The following MCPH1 variants were observed in gnomAD, a reference collection of about 807,000 sequenced individuals.
MCPH1 encodes the protein microcephalin 1, also known as microcephalin.
In MCPH1, 104 loss-of-function variants were observed where a neutral mutation model predicts 84.5. The observed-to-expected ratio is 1.23, with a 90% confidence interval of 1.05 to 1.45. The LOEUF (loss-of-function observed/expected upper bound fraction) is 1.45. Among genes scored for constraint, MCPH1 ranks in the 40% most tolerant of loss-of-function variants. MCPH1 has a pLI of 0.00. For synonymous variants in MCPH1, 514 were observed against 366.8 expected (o/e 1.40, Z -4.58); for missense variants, 1,498 against 1,005.7 (o/e 1.49, Z -6.62).
chr8:6,419,517 C>T (rs926700631), intron 3 of MCPH1, among the ~76,000 whole-genome samples: 5 of 151,960 alleles, frequency 3.3e-5, no homozygotes, highest in South Asian at 2.1e-4. Flanking sequence ...CTCAGCCTCC[C>T]GAGTAGCTGG....
chr8:6,471,953 C>T (rs987128473), intron 9 of MCPH1, among the ~76,000 whole-genome samples: 11 of 152,194 alleles, frequency 7.2e-5, no homozygotes, highest in African/African-American at 2.6e-4. Context: ...TGATAATTTT[C>T]AAAACTAAAT....
chr8:6,441,699 G>A (rs902947951), intron 6 of MCPH1, among the ~76,000 whole-genome samples: 1 of 152,178 alleles, frequency 6.6e-6, no homozygotes, highest in South Asian at 2.1e-4. Context: ...CACTAGCAGT[G>A]TACCTACTGC....
chr8:6,495,942 C>G (rs1401951593), intron 11 of MCPH1, among the ~76,000 whole-genome samples: 1 of 152,110 alleles, frequency 6.6e-6, no homozygotes, highest in African/African-American at 2.4e-5. Context: ...CCAGCAGTCT[C>G]CAACCTTTTT....
At chr8:6,634,743 C>G (rs1324086791) in intron 13 of MCPH1, 2 of 152,200 alleles carry the variant, frequency 1.3e-5, no homozygotes, top group Non-Finnish European at 2.9e-5. Flanking sequence ...GCCTTGACTA[C>G]TGTTCTGCTC....
rs539551134 is a variant in MCPH1, at chr8:6,493,100, T to C, written c.2137-6752T>C. Among the ~76,000 whole-genome samples, 4 of 152,226 alleles carry C rather than the reference T, an allele frequency of 2.6e-5. No individual in the cohort carries two copies. In the East Asian group the frequency reaches 7.7e-4, roughly 29 times the overall value. On this transcript the variant is annotated intron_variant, in intron 11 of 13. Transcript: ENST00000344683. ...ATTTTAGTTGCATTGGAATTTGTTA[T>C]ATTTATTTCTTTGTTTTCCTTTTGA...
chr8:6,407,561 G>A (rs1395529916), intron 1 of MCPH1, among the ~76,000 whole-genome samples: 1 of 152,142 alleles, frequency 6.6e-6, no homozygotes, highest in Non-Finnish European at 1.5e-5. Context: ...GAGAAAAAAG[G>A]GGCCTGTATT....
chr8:6,503,784 G>T (rs972545590), intron 12 of MCPH1, among the ~76,000 whole-genome samples: 1 of 152,328 alleles, frequency 6.6e-6, no homozygotes, highest in East Asian at 1.9e-4. Flanking sequence ...GAAATTTAAA[G>T]TGAGAGTGTG....
chr8:6,602,101 A>C (rs753251971), intron 12 of MCPH1, among the ~76,000 whole-genome samples: 7 of 152,174 alleles, frequency 4.6e-5, no homozygotes, highest in Non-Finnish European at 1.0e-4. Flanking sequence ...GTTTAAATGG[A>C]ATCGGATTGG....
In MCPH1 at chr8:6,406,650, C is replaced by T. The variant is rs757082597; in HGVS notation, c.-18C>T. 1.9e-6 allele frequency: 3 copies of T among 1,611,532 alleles called. No homozygotes were observed. The highest frequency in any genetic ancestry group is 2.5e-6 in the Non-Finnish European group (3 of 1,179,340). On this transcript the variant is annotated 5_prime_UTR_variant, in exon 1 of 14. Coordinates refer to ENST00000344683, the MANE Select transcript of MCPH1 (RefSeq NM_024596.5). ...GCAAGCACCGCGTAGGCCAGCTGGC[C>T]GGATCCCGCCGTCTGTCATGGCGGC...
chr8:6,571,278 A>G (rs1044004509), intron 12 of MCPH1, among the ~76,000 whole-genome samples: 3 of 152,130 alleles, frequency 2.0e-5, no homozygotes, highest in Non-Finnish European at 2.9e-5. Context: ...ATTTTTTTCA[A>G]TGGATTGATG....
intron 12 of MCPH1, among the ~76,000 whole-genome samples, chr8:6,533,735 A>C (rs924927495): frequency 6.6e-6 from 1 of 151,912 alleles, no homozygotes; most frequent in Admixed American, 6.6e-5. Flanking sequence ...TGATTATAAA[A>C]CTGGTTCTGG....
chr8:6,447,235 A>T, intron 8 of MCPH1: 1 of 985,386 alleles, frequency 1.0e-6, no homozygotes, highest in Non-Finnish European at 1.2e-6. Flanking sequence ...GACTCAGGTG[A>T]ACCAACTCTC....
At chr8:6,495,454 T>C (rs1410382017) in intron 11 of MCPH1, among the ~76,000 whole-genome samples, 1 of 152,176 alleles carries the variant, frequency 6.6e-6, no homozygotes, top group Non-Finnish European at 1.5e-5. Flanking sequence ...CTTCTTTCTT[T>C]AGAAAAATCC....
At chr8:6,571,400 A>G (rs1826649627) in intron 12 of MCPH1, among the ~76,000 whole-genome samples, 1 of 152,216 alleles carries the variant, frequency 6.6e-6, no homozygotes, top group African/African-American at 2.4e-5. Context: ...GTCACATTAA[A>G]TGTTCCCAAA....
intron 12 of MCPH1, among the ~76,000 whole-genome samples, chr8:6,581,119 A>G (rs2129577037): frequency 6.6e-6 from 1 of 152,364 alleles, no homozygotes; most frequent in South Asian, 2.1e-4. Flanking sequence ...CATTTTATAT[A>G]AAGACTTGAG....
At position 6,646,974 on chromosome 8, in the gene MCPH1, T is replaced by C. The variant is rs536997382; in HGVS notation, c.*3925T>C. 2.6e-5 allele frequency: 4 copies of C among 151,888 alleles called. No individual in the cohort carries two copies. Among genetic ancestry groups the C allele is most frequent in the Non-Finnish European group, 5.9e-5 (4 of 67,998 alleles). 9.4% of individuals were successfully genotyped at this position (151,888 alleles called of 1,614,324 possible). A position where few individuals can be genotyped will look rare whatever the true frequency, so the allele number is the denominator to read the frequency against. On this transcript the variant is annotated 3_prime_UTR_variant, in exon 14 of 14. Transcript: ENST00000344683. ...AGTTGGGCTTTGTCAAAATTTTAAGTTTTGCTCTTCTGAAGAAACCATTAA... is the reference window on the plus strand; with the variant it reads ...AGTTGGGCTTTGTCAAAATTTTAAGCTTTGCTCTTCTGAAGAAACCATTAA...
intron 12 of MCPH1, among the ~76,000 whole-genome samples, chr8:6,612,510 CTT>C (rs1478524247): frequency 6.6e-6 from 1 of 152,232 alleles, no homozygotes; most frequent in Non-Finnish European, 1.5e-5. Context: ...GACCCGTGCT[CTT>C]CAGCACCGGT....
At chr8:6,625,138 G>A (rs1177110319) in intron 13 of MCPH1, 1 of 961,086 alleles carries the variant, frequency 1.0e-6, no homozygotes, top group African/African-American at 1.8e-5. Flanking sequence ...GCCTCCCAAA[G>A]TGCTGGGATT....
chr8:6,629,891 T>A (rs1029265063), intron 13 of MCPH1, among the ~76,000 whole-genome samples: 8 of 152,188 alleles, frequency 5.3e-5, no homozygotes, highest in Admixed American at 5.2e-4. Flanking sequence ...AGAAGCAGGA[T>A]CTTAGGCTGG....
Sources: allele counts gnomAD v4.1 joint callset (sites outside exome capture counted in the v4.1 genomes callset), GRCh38; gene constraint gnomAD v4.1.1; transcripts MANE v1.5; gene names NCBI Gene and HGNC (gene_info 2026-07-23, HGNC 2026-07-21).